The following MYPN variants were observed in gnomAD, a reference collection of about 807,000 sequenced individuals.
The protein encoded by MYPN is myopalladin, also known as sarcomeric protein myopalladin, 145 kDa (MYOP).
MYPN carries 63 observed loss-of-function variants against 129.4 expected under a neutral mutation model. That is an observed-to-expected ratio of 0.49 (90% CI 0.40 to 0.60). The LOEUF (loss-of-function observed/expected upper bound fraction) is 0.60. MYPN is among the 20% of genes least tolerant of loss of function. MYPN has a pLI of 0.00. For synonymous variants in MYPN, 629 were observed against 600.9 expected, an observed-to-expected ratio of 1.05 and a Z score of -0.68; for missense variants, 1,596 against 1,635.4, an observed-to-expected ratio of 0.98 and a Z score of 0.42.
rs577742839 is a variant in MYPN at position 68,181,403 on chromosome 10, C to T, written c.2703+5942C>T. ...GCCTCCTAGGTTCAAGATTCTCCTG[C>T]CTCAGCCTCCTGAGTAGCTGGGACT... On this transcript the variant is annotated intron_variant, in intron 12 of 19. Coordinates refer to ENST00000358913, the MANE Select transcript of MYPN (RefSeq NM_032578.4). 2.8e-4 allele frequency among the ~76,000 whole-genome samples: 43 copies of T among 152,172 alleles called. 1 individual carries two copies. The highest frequency in any genetic ancestry group is 1.0e-3 in the African/African-American group (43 of 41,530).
At chr10:68,110,432 T>G (rs2042066492) in intron 1 of MYPN, among the ~76,000 whole-genome samples, 3 of 152,346 alleles carry the variant, frequency 2.0e-5, no homozygotes, top group Admixed American at 2.0e-4. Flanking sequence ...AAAGATGGAT[T>G]ATTATGTATT....
At chr10:68,128,390 C>T (rs1417227458) in intron 2 of MYPN, among the ~76,000 whole-genome samples, 2 of 152,184 alleles carry the variant, frequency 1.3e-5, no homozygotes, top group Non-Finnish European at 2.9e-5. Context: ...CATTTGTCTA[C>T]AAGTAGTGTA....
intron 7 of MYPN, 143 bp downstream of exon 7, chr10:68,158,770 T>C: frequency 1.6e-6 from 1 of 630,852 alleles, no homozygotes; most frequent in Non-Finnish European, 2.7e-6. Context: ...CCTGTTAATA[T>C]TTCAGTATAT....
At chr10:68,149,163 G>GGCCACA (rs3084670) in intron 5 of MYPN, among the ~76,000 whole-genome samples, 34,589 of 151,798 alleles carry the variant, frequency 0.23, 6,722 homozygotes, top group African/African-American at 0.53. Context: ...GAGAGGTCAA[G>GGCCACA]GTGACCTGTG....
chr10:68,095,260 A>G (rs1202858182), intron 1 of MYPN, among the ~76,000 whole-genome samples: 1 of 151,480 alleles, frequency 6.6e-6, no homozygotes, highest in East Asian at 1.9e-4. Flanking sequence ...TGAGGTGGGA[A>G]GATTGCTTGA....
intron 1 of MYPN, among the ~76,000 whole-genome samples, chr10:68,110,750 T>A (rs1589518691): frequency 6.6e-6 from 1 of 152,196 alleles, no homozygotes; most frequent in South Asian, 2.1e-4. Flanking sequence ...TACTTACAGC[T>A]ATCATAAACA....
rs568864902 is a variant in MYPN at position 68,121,600 on chromosome 10, C to T, written c.162C>T (p.Gly54=). The change falls in exon 2 of 20, where the codon GGC becomes GGT. Residue 54 remains glycine (G), a synonymous_variant. Transcript: ENST00000358913. ...FGSPSGAAEG[G]GGQDDLPDLS... ...GTCCTTCTGGGGCCGCTGAAGGAGG[C>T]GGAGGCCAAGATGACCTTCCAGATC... The T allele has an allele frequency of 6.2e-7, 1 of 1,614,198 alleles. No homozygotes were observed. The highest frequency in any genetic ancestry group is 8.5e-7 in the Non-Finnish European group (1 of 1,180,042).
At chr10:68,144,540 T>C (rs2042630498) in intron 3 of MYPN, among the ~76,000 whole-genome samples, 1 of 152,198 alleles carries the variant, frequency 6.6e-6, no homozygotes, top group Admixed American at 6.5e-5. Context: ...GTCCAATAAA[T>C]GCCTCCAGAT....
At chr10:68,094,613 G>A (rs2041947832) in intron 1 of MYPN, among the ~76,000 whole-genome samples, 1 of 151,710 alleles carries the variant, frequency 6.6e-6, no homozygotes, top group Non-Finnish European at 1.5e-5. Context: ...AAGTCACCGT[G>A]GTTCAAACAC....
chr10:68,127,096 T>C (rs1294706976), intron 2 of MYPN, among the ~76,000 whole-genome samples: 1 of 151,820 alleles, frequency 6.6e-6, no homozygotes, highest in South Asian at 2.1e-4. Flanking sequence ...GCAATTCCCC[T>C]GCCTCCAAGC....
intron 1 of MYPN, among the ~76,000 whole-genome samples, chr10:68,116,904 TC>T (rs2042165531): frequency 6.6e-6 from 1 of 152,048 alleles, no homozygotes; most frequent in Admixed American, 6.6e-5. Flanking sequence ...CCTTTATCTG[TC>T]CTATTTTATC....
At position 68,099,448 on chromosome 10, in the gene MYPN, A is replaced by C. The variant is rs1201043281; in HGVS notation, c.-2+11456A>C. ...TAAAAATAGTAACTACAGCCTGGCC[A>C]ACATGGTGACACCCAGTCTCTATTA... On this transcript the variant is annotated intron_variant, in intron 1 of 6. Coordinates refer to the MYPN transcript ENST00000685154. Among the ~76,000 whole-genome samples, 3 of 152,288 alleles carry C rather than the reference A, an allele frequency of 2.0e-5. No homozygotes were observed. In the East Asian group the frequency reaches 5.8e-4, roughly 29 times the overall value.
At chr10:68,106,432 C>T, upstream of MYPN, 2 of 438,490 alleles carry the variant, frequency 4.6e-6, no homozygotes, top group East Asian at 9.7e-5. Flanking sequence ...ATCCACCACC[C>T]ATCTATTGTT....
Position 68,158,630 on chromosome 10 carries a change from A to G in MYPN, c.1459+3A>G. ...AGATTTTAGGATTTTACAGAAAAGT[A>G]AGTTAATACTTTAAATTATTTTCTG... On this transcript the variant is annotated splice_donor_region_variant and intron_variant, in intron 7 of 19. Coordinates refer to ENST00000358913, the MANE Select transcript of MYPN (RefSeq NM_032578.4). The G allele has an allele frequency of 6.4e-7, 1 of 1,553,674 alleles. No homozygotes were observed. Among genetic ancestry groups the G allele is most frequent in the Non-Finnish European group, 8.9e-7 (1 of 1,126,936 alleles).
At position 68,174,471 on chromosome 10, in the gene MYPN, A is replaced by C. The variant is rs1190436982; in HGVS notation, c.2379A>C (p.Thr793=). ...EPLPPGPTEP[T]PPPFTFSIPS... Reference sequence around the variant, plus strand: ...TCCCACCAGGCCCAACAGAACCAACACCACCACCATTCACATTTTCCATCC... The same window carrying C: ...TCCCACCAGGCCCAACAGAACCAACCCCACCACCATTCACATTTTCCATCC... Residue 793 remains threonine (T), a synonymous_variant, in exon 11 of 20, where the codon ACA becomes ACC. Coordinates refer to ENST00000358913, the MANE Select transcript of MYPN (RefSeq NM_032578.4). 6.2e-7 allele frequency: 1 copy of C among 1,613,818 alleles called. No individual in the cohort carries two copies. The highest frequency in any genetic ancestry group is 2.2e-5 in the East Asian group (1 of 44,864).
At chr10:68,113,833 A>G (rs1224764904) in intron 1 of MYPN, among the ~76,000 whole-genome samples, 1 of 152,218 alleles carries the variant, frequency 6.6e-6, no homozygotes, top group Admixed American at 6.5e-5. Context: ...TACATTTTGC[A>G]ACGATTAAAT....
intron 12 of MYPN, among the ~76,000 whole-genome samples, chr10:68,182,906 A>C (rs2134237111): frequency 6.6e-6 from 1 of 152,300 alleles, no homozygotes; most frequent in South Asian, 2.1e-4. Flanking sequence ...CCAAGTGTGT[A>C]TTTACTATAC....
Position 68,188,970 on chromosome 10 carries a change from T to A in MYPN, c.2769T>A (p.Thr923=). ...MNEIEFRLER[T]PVDESDDEIQ... is the part of the protein sequence containing the mutation. ...AAATAGAGTTTCGCTTGGAACGTACTCCTGTTGATGAATCAGATGATGAAA... is the reference window on the plus strand; with the variant it reads ...AAATAGAGTTTCGCTTGGAACGTACACCTGTTGATGAATCAGATGATGAAA... Residue 923 remains threonine, a synonymous_variant, in exon 13 of 20, where the codon ACT becomes ACA. Coordinates refer to ENST00000358913, the MANE Select transcript of MYPN (RefSeq NM_032578.4). The A allele has an allele frequency of 6.2e-7, 1 of 1,614,168 alleles. No individual in the cohort carries two copies. Among genetic ancestry groups the A allele is most frequent in the Non-Finnish European group, 8.5e-7 (1 of 1,180,032 alleles).
chr10:68,135,210 C>T (rs2042468176), intron 2 of MYPN, among the ~76,000 whole-genome samples: 1 of 152,168 alleles, frequency 6.6e-6, no homozygotes, highest in Non-Finnish European at 1.5e-5. Flanking sequence ...GCCTCAGCCT[C>T]CCAAAGTGCT....
Sources: allele counts gnomAD v4.1 joint callset (sites outside exome capture counted in the v4.1 genomes callset), GRCh38; gene constraint gnomAD v4.1.1; transcripts MANE v1.5; gene names NCBI Gene and HGNC (gene_info 2026-07-23, HGNC 2026-07-21).